SKAP1: variants seen among roughly 807,000 people sequenced by gnomAD.
SKAP1 encodes the protein src kinase associated phosphoprotein 1, also known as src kinase-associated phosphoprotein 1.
Under a neutral mutation model 58.5 loss-of-function variants are expected in SKAP1, and 44 were observed. The observed-to-expected ratio is 0.75, with a 90% CI of 0.59 to 0.97. The LOEUF is 0.97. SKAP1 is among the 50% of genes least tolerant of loss of function. SKAP1 has a pLI of 0.00. For missense variants in SKAP1, 390 were observed against 435.2 expected (o/e 0.90, Z 0.92); for synonymous variants, 127 against 149.7 (o/e 0.85, Z 1.11).
intron 5 of SKAP1, among the ~76,000 whole-genome samples, chr17:48,188,373 T>C (rs984713205): frequency 6.6e-6 from 1 of 152,170 alleles, no homozygotes; most frequent in Non-Finnish European, 1.5e-5. Context: ...CTACTCTAAT[T>C]AAATGAGTTA....
chr17:48,187,985 G>A, intron 5 of SKAP1, 59 bp from the exon 6 acceptor site: 1 of 1,261,510 alleles, frequency 7.9e-7, no homozygotes, highest in Non-Finnish European at 1.2e-6. Flanking sequence ...TGAAGAGTCT[G>A]TAAAATCCAA....
In SKAP1 at chr17:48,396,709, A is replaced by C; in HGVS notation, c.123T>G (p.Ile41Met). 17 of 1,613,262 alleles carry C rather than the reference A, an allele frequency of 1.1e-5. No individual in the cohort carries two copies. Among genetic ancestry groups the C allele is most frequent in the Non-Finnish European group, 1.4e-5 (17 of 1,179,374 alleles). The part of the protein sequence containing the change: ...SAVARDHRDH[I>M]LRGFQQIKAR... ...CTTTGATTTGCTGAAAGCCCCGTAG[A>C]ATATGGTCTCTGTGATCCCTTGCAA... The change falls in exon 2 of 13, where the codon ATT becomes ATG. Residue 41 changes from isoleucine (I) to methionine (M), a missense_variant. By Grantham distance (10) the Ile-to-Met change is conservative. Coordinates refer to ENST00000336915, the MANE Select transcript of SKAP1 (RefSeq NM_003726.4).
At chr17:48,366,530 T>C (rs2067004613) in intron 2 of SKAP1, among the ~76,000 whole-genome samples, 1 of 152,014 alleles carries the variant, frequency 6.6e-6, no homozygotes, top group Admixed American at 6.5e-5. Context: ...AGAAGGAGTG[T>C]CCATATCAAT....
chr17:48,135,488 C>CT (rs1375278102), intron 12 of SKAP1, among the ~76,000 whole-genome samples: 6 of 152,026 alleles, frequency 3.9e-5, no homozygotes, highest in African/African-American at 1.4e-4. Flanking sequence ...TATTCTTTTT[C>CT]TTTTTTTGAG....
intron 4 of SKAP1, among the ~76,000 whole-genome samples, chr17:48,277,114 A>G (rs76107272): frequency 0.03 from 4,559 of 152,332 alleles, 80 homozygotes; most frequent in Middle Eastern, 0.065. Flanking sequence ...TACTTCTTTT[A>G]TATTACAGAA....
intron 10 of SKAP1, among the ~76,000 whole-genome samples, chr17:48,168,035 T>A (rs1466880837): frequency 1.3e-5 from 2 of 152,170 alleles, no homozygotes; most frequent in African/African-American, 4.8e-5. Flanking sequence ...CTTTATAGAT[T>A]GAGCAATCAA....
chr17:48,344,474 T>C (rs562407241), intron 4 of SKAP1, among the ~76,000 whole-genome samples: 2 of 152,294 alleles, frequency 1.3e-5, no homozygotes, highest in South Asian at 2.1e-4. Flanking sequence ...TCAGTTGTGT[T>C]TGGGAAAGTT....
chr17:48,137,230 T>C lies in SKAP1; in HGVS notation c.*6A>G. On this transcript the variant is annotated splice_region_variant and 3_prime_UTR_variant, in exon 12 of 13. Transcript: ENST00000336915. ...GTTCATTGGCCATGGTTCTGATACC[T>C]GGGTTTCATCTTTCTTCCACTTCAA... 1 of 1,603,298 alleles carries C rather than the reference T, an allele frequency of 6.2e-7. No individual in the cohort carries two copies. Among genetic ancestry groups the C allele is most frequent in the South Asian group, 1.1e-5 (1 of 90,728 alleles).
chr17:48,337,861 G>A (rs967133937), intron 4 of SKAP1, among the ~76,000 whole-genome samples: 7 of 152,178 alleles, frequency 4.6e-5, no homozygotes, highest in Admixed American at 4.6e-4. Flanking sequence ...AGCATGCTGA[G>A]ATCATGCAGG....
chr17:48,426,753 T>C (rs761290105), intron 1 of SKAP1, among the ~76,000 whole-genome samples: 14 of 152,196 alleles, frequency 9.2e-5, no homozygotes, highest in Non-Finnish European at 1.8e-4. Context: ...TATTTCTATA[T>C]GAGAGCTTGA....
chr17:48,319,113 A>C (rs1479324819), intron 4 of SKAP1, among the ~76,000 whole-genome samples: 3 of 152,216 alleles, frequency 2.0e-5, no homozygotes, highest in Non-Finnish European at 4.4e-5. Context: ...GAATGGCAAA[A>C]GGAATTGATC....
intron 9 of SKAP1, among the ~76,000 whole-genome samples, chr17:48,175,268 T>C (rs984236915): frequency 2.0e-5 from 3 of 152,190 alleles, no homozygotes; most frequent in African/African-American, 4.8e-5. Flanking sequence ...ATAAAGAAAG[T>C]GATAAAAGCT....
intron 4 of SKAP1, among the ~76,000 whole-genome samples, chr17:48,270,768 A>G (rs747005234): frequency 3.9e-5 from 6 of 152,284 alleles, no homozygotes; most frequent in Admixed American, 1.3e-4. Flanking sequence ...GTAGATTGTT[A>G]TCATTGTGTT....
At chr17:48,387,877 T>G (rs1187024975) in intron 2 of SKAP1, among the ~76,000 whole-genome samples, 4 of 152,208 alleles carry the variant, frequency 2.6e-5, no homozygotes, top group Non-Finnish European at 5.9e-5. Context: ...TCGAATTGAA[T>G]TTTAGCTCCT....
chr17:48,392,972 C>T (rs1356245184), intron 2 of SKAP1, among the ~76,000 whole-genome samples: 1 of 151,928 alleles, frequency 6.6e-6, no homozygotes, highest in Non-Finnish European at 1.5e-5. Flanking sequence ...TCTACTGTTT[C>T]TCCCAATGCG....
At chr17:48,262,155 A>G (rs1371713060) in intron 4 of SKAP1, among the ~76,000 whole-genome samples, 1 of 152,198 alleles carries the variant, frequency 6.6e-6, no homozygotes, top group Non-Finnish European at 1.5e-5. Context: ...AGCCTCTTAC[A>G]TTGGAGGGTT....
intron 11 of SKAP1, among the ~76,000 whole-genome samples, chr17:48,142,209 T>TC (rs35652370): frequency 0.56 from 84,350 of 151,898 alleles, 24,483 homozygotes; most frequent in East Asian, 0.77. Flanking sequence ...ACACCTGTAA[T>TC]CCAGCACTTT....
chr17:48,227,750 A>C (rs1226046443), intron 4 of SKAP1, among the ~76,000 whole-genome samples: 1 of 152,202 alleles, frequency 6.6e-6, no homozygotes, highest in East Asian at 1.9e-4. Flanking sequence ...GTGGTGGTGA[A>C]GAACATGGAC....
intron 4 of SKAP1, among the ~76,000 whole-genome samples, chr17:48,274,518 G>A (rs754515602): frequency 3.9e-5 from 6 of 152,060 alleles, no homozygotes; most frequent in Non-Finnish European, 7.4e-5. Flanking sequence ...CCAACATGGA[G>A]AAACCCCGTC....
Sources: allele counts gnomAD v4.1 joint callset (sites outside exome capture counted in the v4.1 genomes callset), GRCh38; gene constraint gnomAD v4.1.1; transcripts MANE v1.5; gene names NCBI Gene and HGNC (gene_info 2026-07-23, HGNC 2026-07-21).